WDR37: variants seen among roughly 807,000 people sequenced by gnomAD.
WDR37 encodes WD repeat-containing protein 37.
In WDR37, 19 loss-of-function variants were observed where a neutral mutation model predicts 62.9. The observed-to-expected ratio is 0.30, with a 90% CI of 0.21 to 0.44. WDR37 has a LOEUF of 0.44. Ranked by LOEUF, WDR37 falls within the 20% of genes least tolerant of loss-of-function variation. The pLI is 1.00. For synonymous variants in WDR37, 250 were observed against 260.9 expected, an observed-to-expected ratio of 0.96 and a Z score of 0.40; for missense variants, 474 against 657.6, an observed-to-expected ratio of 0.72 and a Z score of 3.05.
At chr10:1,081,635 G>T (rs894245911) in intron 5 of WDR37, among the ~76,000 whole-genome samples, 4 of 151,896 alleles carry the variant, frequency 2.6e-5, no homozygotes, top group Non-Finnish European at 5.9e-5. Flanking sequence ...AATGTAAGTT[G>T]CTAATTTATT....
At chr10:1,069,691 T>C (rs1241083655) in intron 1 of WDR37, among the ~76,000 whole-genome samples, 1 of 151,994 alleles carries the variant, frequency 6.6e-6, no homozygotes, top group African/African-American at 2.4e-5. Context: ...GGGTGATCTG[T>C]ATGGTGAGTG....
chr10:1,129,188 T>C, intron 13 of WDR37, 25 bp from the exon 14 acceptor site: 1 of 1,608,232 alleles, frequency 6.2e-7, no homozygotes, highest in Non-Finnish European at 8.5e-7. Context: ...AATGCACTGA[T>C]TTTGGTTTGT....
intron 1 of WDR37, among the ~76,000 whole-genome samples, chr10:1,062,775 A>G (rs1406113233): frequency 6.6e-6 from 1 of 152,192 alleles, no homozygotes; most frequent in East Asian, 1.9e-4. Flanking sequence ...ATCTAAAAAC[A>G]CTGGACATAT....
rs761561037 is a variant in WDR37, at chr10:1,103,851, T to C, written c.961+15T>C. Reference sequence around the variant, plus strand: ...CTCTCTGACAGGTGCCTGGGTTCTCTGAGTCCGCCGCCTCCTGGCTGTGCA... The same window carrying C: ...CTCTCTGACAGGTGCCTGGGTTCTCCGAGTCCGCCGCCTCCTGGCTGTGCA... On this transcript the variant is annotated intron_variant, in intron 10 of 13. Coordinates refer to ENST00000263150, the MANE Select transcript of WDR37 (RefSeq NM_014023.4). The surrounding 1 kb of genome is among the most constrained non-coding windows in gnomAD (Gnocchi z 6.3). The C allele has an allele frequency of 1.8e-5, 29 of 1,612,512 alleles. No homozygotes were observed. The South Asian group carries it at 2.9e-4, about 16-fold the overall frequency.
In WDR37 at chr10:1,125,013, A is replaced by C. The variant is rs1835696159; in HGVS notation, c.1342A>C (p.Ser448Arg). The stretch of plus-strand genomic sequence containing the variant: ...AGTGCGCCTGGCGCGGCTTCCCCGG[A>C]GCAGCCGACAGGTAACAGCACGGTC... ...SGVRLARLPR[S>R]SRQGHRRMVC... Residue 448 changes from serine to arginine, a missense_variant, in exon 13 of 14, where the codon AGC becomes CGC. Ser to Arg is a moderately radical substitution (Grantham distance 110). Coordinates refer to ENST00000263150, the MANE Select transcript of WDR37 (RefSeq NM_014023.4). The C allele has an allele frequency of 6.2e-7, 1 of 1,614,100 alleles. No homozygotes were observed. The highest frequency in any genetic ancestry group is 2.2e-5 in the East Asian group (1 of 44,902).
In WDR37 at chr10:1,121,448, G is replaced by T. The variant is rs1056625506; in HGVS notation, c.1104-2770G>T. 6.6e-6 allele frequency among the ~76,000 whole-genome samples: 1 copy of T among 152,128 alleles called. No homozygotes were observed. The highest frequency in any genetic ancestry group is 2.4e-5 in the African/African-American group (1 of 41,436). ...GTGGCAGCGTCTGATTTATAGTCAA[G>T]CTCTCATGTTGTTCTTTATTTTTTT... On this transcript the variant is annotated intron_variant, in intron 11 of 13. Transcript: ENST00000263150. This position sits in a 1 kb window ranked among gnomAD's most constrained non-coding sequence, Gnocchi z 4.5.
chr10:1,062,091 A>G (rs1833388312), intron 1 of WDR37, among the ~76,000 whole-genome samples: 1 of 152,040 alleles, frequency 6.6e-6, no homozygotes, highest in Non-Finnish European at 1.5e-5. Flanking sequence ...ACCAATACAG[A>G]CACTGGGAAA....
intron 1 of WDR37, among the ~76,000 whole-genome samples, chr10:1,069,197 G>A (rs1833644552): frequency 6.6e-6 from 1 of 151,846 alleles, no homozygotes; most frequent in Non-Finnish European, 1.5e-5. Flanking sequence ...CTTACATGGT[G>A]TGTGAATCGT....
In WDR37 at chr10:1,128,793, C is replaced by A. The variant is rs763810237; in HGVS notation, c.1354-420C>A. Among the ~76,000 whole-genome samples, 182 of 152,018 alleles carry A rather than the reference C, an allele frequency of 1.2e-3. 1 individual carries two copies. The highest frequency in any genetic ancestry group is 1.8e-3 in the Non-Finnish European group (124 of 68,026). ...ATTCTGGCCTGGCTGCACGTCCTGG[C>A]GGCTCTGCCGTGCTCGGCGGTCCAT... On this transcript the variant is annotated intron_variant, in intron 13 of 13. Transcript: ENST00000263150.
rs554344579 is a variant in WDR37, at chr10:1,128,333, G to A, written c.1354-880G>A. Among the ~76,000 whole-genome samples, 7 of 152,340 alleles carry A rather than the reference G, an allele frequency of 4.6e-5. No homozygotes were observed. The East Asian group carries it at 1.2e-3, about 25-fold the overall frequency. ...AAATGCAGATGGGTGCTAAGGCACTGCTTACAGATATTCTAAGTGTTGGCT... is the reference window on the plus strand; with the variant it reads ...AAATGCAGATGGGTGCTAAGGCACTACTTACAGATATTCTAAGTGTTGGCT... On this transcript the variant is annotated intron_variant, in intron 13 of 13. Coordinates refer to ENST00000263150, the MANE Select transcript of WDR37 (RefSeq NM_014023.4).
At chr10:1,127,318 G>C (rs1180959545) in intron 13 of WDR37, among the ~76,000 whole-genome samples, 2 of 152,186 alleles carry the variant, frequency 1.3e-5, no homozygotes, top group Non-Finnish European at 2.9e-5. Context: ...TGTTGTGCCT[G>C]GGTTTATTCC....
chr10:1,115,471 T>C (rs558924045), intron 11 of WDR37, among the ~76,000 whole-genome samples: 2 of 152,330 alleles, frequency 1.3e-5, no homozygotes, highest in South Asian at 4.1e-4. Flanking sequence ...GATCATGTGC[T>C]CAGAAAGGTA....
chr10:1,077,017 G>A (rs955245818), intron 2 of WDR37, among the ~76,000 whole-genome samples: 5 of 150,336 alleles, frequency 3.3e-5, no homozygotes, highest in Non-Finnish European at 5.9e-5. Context: ...AAAAAAAAAA[G>A]GTAAGTATTG....
rs376060491 is a variant in WDR37, at chr10:1,129,352, G to A, written c.*8G>A. 1.5e-5 allele frequency: 24 copies of A among 1,613,736 alleles called. No individual in the cohort carries two copies. The highest frequency in any genetic ancestry group is 2.2e-5 in the East Asian group (1 of 44,878). ...TTGCTACAAGAAAAATAAGGACACC[G>A]GCAGCCCTTAGTTTCACTGTTTGCC... On this transcript the variant is annotated 3_prime_UTR_variant, in exon 14 of 14. Transcript: ENST00000263150.
chr10:1,100,333 A>C (rs1029617385), intron 9 of WDR37, among the ~76,000 whole-genome samples: 3 of 152,206 alleles, frequency 2.0e-5, no homozygotes, highest in South Asian at 2.1e-4. Context: ...AGGAGGAGGC[A>C]GTGCAGCCTG....
Position 1,092,872 on chromosome 10 carries a change from C to CAAAAAAAAAAAAAAAAAAAAAAA in WDR37, c.605-576_605-554dup, listed in dbSNP as rs56220560. ...GCAACCAGAGCAAGACCCTATCTCA[C>CAAAAAAAAAAAAAAAAAAAAAAA]AAAAAAAAAAAAAAAAAAAAAAAAA... On this transcript the variant is annotated intron_variant, in intron 7 of 13. Coordinates refer to ENST00000263150, the MANE Select transcript of WDR37 (RefSeq NM_014023.4). Among the ~76,000 whole-genome samples the CAAAAAAAAAAAAAAAAAAAAAAA allele has an allele frequency of 5.2e-4, 22 of 41,974 alleles. 1 individual carries two copies. The highest frequency in any genetic ancestry group is 1.9e-3 in the East Asian group (2 of 1,040). The allele number at this position is 41,974 out of a possible 152,430, so 27.5% of individuals were successfully genotyped here.
intron 1 of WDR37, among the ~76,000 whole-genome samples, chr10:1,066,977 C>G (rs1833575026): frequency 6.6e-6 from 1 of 152,166 alleles, no homozygotes; most frequent in Non-Finnish European, 1.5e-5. Context: ...AAAGACCTGC[C>G]CCTCCATGAT....
chr10:1,124,850 A>C lies in WDR37; in HGVS notation c.1239-60A>C, dbSNP rs77979897. 1.7e-3 allele frequency: 2,767 copies of C among 1,587,626 alleles called. 29 individuals carry two copies. In the African/African-American group the frequency reaches 0.029, roughly 16 times the overall value. On this transcript the variant is annotated intron_variant, in intron 12 of 13. Coordinates refer to ENST00000263150, the MANE Select transcript of WDR37 (RefSeq NM_014023.4). ...GAACCTCCTGCTTCATTATCTGTCA[A>C]CTCAAAAACTTACAGTGTCACTGTT...
chr10:1,072,816 T>A (rs1046203413), intron 2 of WDR37, among the ~76,000 whole-genome samples: 1 of 152,248 alleles, frequency 6.6e-6, no homozygotes, highest in Non-Finnish European at 1.5e-5. Context: ...GTATACTAAG[T>A]AATAACAAAT....
Sources: gnomAD v4.1 joint callset for allele counts (sites outside exome capture counted in the v4.1 genomes callset) on GRCh38, gnomAD v4.1.1 for gene constraint, Gnocchi (gnomAD v3.1) non-coding constraint, MANE v1.5 for transcripts, NCBI Gene and HGNC (gene_info 2026-07-23, HGNC 2026-07-21) for gene names.